The following RNF220 variants were observed in gnomAD, a reference collection of about 807,000 sequenced individuals.
The protein encoded by RNF220 is ring finger protein 220.
A neutral mutation model predicts 67.1 loss-of-function variants in RNF220; 7 were observed. That is an observed-to-expected ratio of 0.10 (90% confidence interval 0.06 to 0.20). The LOEUF is 0.20. Ranked by LOEUF, RNF220 falls within the 10% of genes least tolerant of loss-of-function variation. The probability of loss-of-function intolerance (pLI) is 1.00; values close to 1 mark genes in which losing one functional copy is unlikely to be tolerated. For missense variants in RNF220, 565 were observed against 740.3 expected, an observed-to-expected ratio of 0.76 and a Z score of 2.75; for synonymous variants, 270 against 283.2, an observed-to-expected ratio of 0.95 and a Z score of 0.47.
chr1:44,566,514 C>T (rs1222680029), intron 2 of RNF220, among the ~76,000 whole-genome samples: 1 of 135,814 alleles, frequency 7.4e-6, no homozygotes, highest in Non-Finnish European at 1.7e-5. Flanking sequence ...CTGGCCCTCC[C>T]CGTCAAGGCT....
chr1:44,439,179 G>A (rs576513157), intron 2 of RNF220, among the ~76,000 whole-genome samples: 16 of 152,120 alleles, frequency 1.1e-4, no homozygotes, highest in South Asian at 2.1e-4. Flanking sequence ...GCCGCTTGCC[G>A]GATTACCTTT....
intron 2 of RNF220, among the ~76,000 whole-genome samples, chr1:44,460,299 C>T (rs1486194441): frequency 1.3e-5 from 2 of 152,090 alleles, no homozygotes; most frequent in African/African-American, 4.8e-5. Flanking sequence ...GGTACCAGCG[C>T]CTGGAAGCCT....
At chr1:44,422,048 C>T (rs1649281522) in intron 2 of RNF220, among the ~76,000 whole-genome samples, 1 of 152,220 alleles carries the variant, frequency 6.6e-6, no homozygotes, top group Non-Finnish European at 1.5e-5. Context: ...GGTCATGCAG[C>T]ACCCAATTCT....
At chr1:44,608,590 G>A (rs1238867839) in intron 2 of RNF220, among the ~76,000 whole-genome samples, 8 of 152,214 alleles carry the variant, frequency 5.3e-5, no homozygotes, top group Admixed American at 5.2e-4. Context: ...AAGGATTAAT[G>A]AGATAAAGTA....
intron 2 of RNF220, among the ~76,000 whole-genome samples, chr1:44,570,940 G>T (rs994716614): frequency 6.6e-6 from 1 of 152,038 alleles, no homozygotes; most frequent in Non-Finnish European, 1.5e-5. Flanking sequence ...TGGGCATGGT[G>T]GTGCGCACGT....
chr1:44,632,681 T>G (rs1644198772), intron 6 of RNF220: 1 of 537,068 alleles, frequency 1.9e-6, no homozygotes, highest in South Asian at 2.3e-5. Context: ...ACTCGGGAGC[T>G]CAGCTTTGAA....
chr1:44,585,529 G>T (rs561031373), intron 2 of RNF220, among the ~76,000 whole-genome samples: 69 of 152,242 alleles, frequency 4.5e-4, no homozygotes, highest in Admixed American at 4.5e-3. Flanking sequence ...TTTTGCCAAG[G>T]TCAGCAACAA....
At chr1:44,613,902 A>G (rs1643425613) in intron 2 of RNF220, among the ~76,000 whole-genome samples, 2 of 151,084 alleles carry the variant, frequency 1.3e-5, no homozygotes, top group Admixed American at 1.3e-4. Context: ...TTTAAAAAAG[A>G]AAAAAAAATA....
At chr1:44,467,709 A>AT (rs35495640) in intron 2 of RNF220, among the ~76,000 whole-genome samples, 1 of 151,918 alleles carries the variant, frequency 6.6e-6, no homozygotes, top group African/African-American at 2.4e-5. Context: ...CTAGCATAGC[A>AT]TTTTTTTATT....
At chr1:44,631,289 C>G (rs774283786) in intron 5 of RNF220, among the ~76,000 whole-genome samples, 5 of 152,200 alleles carry the variant, frequency 3.3e-5, no homozygotes, top group Non-Finnish European at 5.9e-5. Context: ...GTAGGAGATA[C>G]AGAGGTGGAG....
intron 2 of RNF220, among the ~76,000 whole-genome samples, chr1:44,427,625 C>T (rs1649926724): frequency 6.6e-6 from 1 of 152,144 alleles, no homozygotes; most frequent in Admixed American, 6.6e-5. Context: ...TATCTGCTAA[C>T]GCCCAATGTG....
chr1:44,538,572 G>C (rs577842846), intron 2 of RNF220, among the ~76,000 whole-genome samples: 3 of 152,258 alleles, frequency 2.0e-5, no homozygotes, highest in Admixed American at 1.3e-4. Flanking sequence ...GTCTTTGTCT[G>C]TCTTAATTTC....
At chr1:44,428,808 G>A (rs775933071) in intron 2 of RNF220, among the ~76,000 whole-genome samples, 1 of 152,078 alleles carries the variant, frequency 6.6e-6, no homozygotes, top group Non-Finnish European at 1.5e-5. Flanking sequence ...GCCCTAAGTG[G>A]TTTATTCTAT....
intron 6 of RNF220, among the ~76,000 whole-genome samples, chr1:44,634,527 T>C (rs2148480462): frequency 6.6e-6 from 1 of 152,308 alleles, no homozygotes; most frequent in East Asian, 1.9e-4. Flanking sequence ...AGAAAGTTCT[T>C]CCTGGCCCTG....
intron 2 of RNF220, among the ~76,000 whole-genome samples, chr1:44,537,560 G>A (rs924273128): frequency 2.0e-5 from 3 of 152,070 alleles, no homozygotes; most frequent in Admixed American, 1.3e-4. Flanking sequence ...TTTGCCTTTC[G>A]TTACCCTAGG....
intron 2 of RNF220, among the ~76,000 whole-genome samples, chr1:44,497,720 ATTC>A (rs1657465453): frequency 6.6e-6 from 1 of 152,114 alleles, no homozygotes; most frequent in African/African-American, 2.4e-5. Context: ...AAATCTCTCC[ATTC>A]CCCCAAGTTC....
At chr1:44,601,692 G>T (rs1666930961) in intron 2 of RNF220, among the ~76,000 whole-genome samples, 1 of 152,110 alleles carries the variant, frequency 6.6e-6, no homozygotes, top group Non-Finnish European at 1.5e-5. Flanking sequence ...GCAGAGAGAG[G>T]GGGACAGGAG....
chr1:44,620,427 A>C (rs1643744930), intron 3 of RNF220, among the ~76,000 whole-genome samples: 1 of 152,232 alleles, frequency 6.6e-6, no homozygotes. Flanking sequence ...GGTGTTGTAC[A>C]GTAGATACCT....
chr1:44,431,292 C>T (rs1650339406), intron 2 of RNF220, among the ~76,000 whole-genome samples: 1 of 151,794 alleles, frequency 6.6e-6, no homozygotes, highest in Admixed American at 6.6e-5. Flanking sequence ...TCAGGAGTTC[C>T]CAGCCTAACC....
Sources: allele counts gnomAD v4.1 joint callset (sites outside exome capture counted in the v4.1 genomes callset), GRCh38; gene constraint gnomAD v4.1.1; transcripts MANE v1.5; gene names NCBI Gene and HGNC (gene_info 2026-07-23, HGNC 2026-07-21).